The following HEATR5B variants were observed in gnomAD, a reference collection of about 807,000 sequenced individuals.
The protein encoded by HEATR5B is HEAT repeat containing 5B, also known as HEAT repeat-containing protein 5B.
In HEATR5B, 156 loss-of-function variants were observed where a neutral mutation model predicts 224.1. That is an observed-to-expected ratio of 0.70 (90% CI 0.61 to 0.80). HEATR5B has a LOEUF of 0.80. Among genes scored for constraint, HEATR5B ranks in the 30% least tolerant of loss-of-function variants. HEATR5B has a pLI of 0.00. For synonymous variants in HEATR5B, 1,027 were observed against 893.0 expected (o/e 1.15, Z -2.68); for missense variants, 2,323 against 2,535.5 (o/e 0.92, Z 1.80).
chr2:37,034,562 G>A (rs1210440759), intron 21 of HEATR5B, among the ~76,000 whole-genome samples: 1 of 130,688 alleles, frequency 7.7e-6, no homozygotes, highest in East Asian at 2.4e-4. Flanking sequence ...GCAGTGAGCC[G>A]AGATCCCGCC....
chr2:37,079,689 T>C (rs1164861999), intron 2 of HEATR5B, among the ~76,000 whole-genome samples: 1 of 152,192 alleles, frequency 6.6e-6, no homozygotes, highest in African/African-American at 2.4e-5. Context: ...AGGTTTCCTA[T>C]GTAAAAGTGA....
In HEATR5B at chr2:37,052,748, G is replaced by C. The variant is rs550305206; in HGVS notation, c.2505+754C>G. Among the ~76,000 whole-genome samples, 4 of 152,326 alleles carry C rather than the reference G, an allele frequency of 2.6e-5. No homozygotes were observed. The South Asian group carries it at 8.3e-4, about 32-fold the overall frequency. On this transcript the variant is annotated intron_variant, in intron 17 of 35. Coordinates refer to ENST00000233099, the MANE Select transcript of HEATR5B (RefSeq NM_019024.3). ...AGCAGCCCATCTGATAACTGAGACA[G>C]ATGGTGACCAAGTGACTAACAGACA...
chr2:37,058,537 T>A lies in HEATR5B; in HGVS notation c.1973A>T (p.His658Leu). The A allele has an allele frequency of 1.9e-6, 3 of 1,611,268 alleles. No homozygotes were observed. Among genetic ancestry groups the A allele is most frequent in the Non-Finnish European group, 2.5e-6 (3 of 1,177,444 alleles). ...MSHIPSVMKAHGAHLKASAAM... is the reference protein window; with the variant it reads ...MSHIPSVMKALGAHLKASAAM... Reference sequence around the variant, plus strand: ...AGCACTAGCTTTCAGATGAGCTCCATGGGCTTTCATTACAGATGGAATGCT... The same window carrying A: ...AGCACTAGCTTTCAGATGAGCTCCAAGGGCTTTCATTACAGATGGAATGCT... The change falls in exon 14 of 36, where the codon CAT becomes CTT. Residue 658 changes from histidine (H) to leucine (L), a missense_variant. His to Leu is a moderately conservative substitution (Grantham distance 99). Transcript: ENST00000233099.
chr2:37,036,332 G>C (rs1165053337), intron 21 of HEATR5B, among the ~76,000 whole-genome samples: 1 of 152,092 alleles, frequency 6.6e-6, no homozygotes, highest in Non-Finnish European at 1.5e-5. Flanking sequence ...CCACCTCTCT[G>C]TCTTCTCTCT....
At chr2:37,058,761 A>C in intron 13 of HEATR5B, 127 bp downstream of exon 13, 1 of 700,530 alleles carries the variant, frequency 1.4e-6, no homozygotes, top group Non-Finnish European at 2.4e-6. Flanking sequence ...GTAATTTTTA[A>C]AGTTATATTA....
intron 22 of HEATR5B, among the ~76,000 whole-genome samples, chr2:37,029,291 T>A (rs1381937895): frequency 6.6e-6 from 1 of 152,234 alleles, no homozygotes; most frequent in African/African-American, 2.4e-5. Context: ...TTCAGTCTTA[T>A]AGTTCAGATT....
Position 37,075,501 on chromosome 2 carries a change from C to T in HEATR5B, c.581G>A (p.Arg194Gln). The change falls in exon 5 of 36, where the codon CGA becomes CAA. Residue 194 changes from arginine (R) to glutamine (Q), a missense_variant. Arg to Gln is a conservative substitution (Grantham distance 43). Coordinates refer to ENST00000233099, the MANE Select transcript of HEATR5B (RefSeq NM_019024.3). ...SLLTDRSMAV[R>Q]CAVAKCLLEL... ...AGTACTAACCTTGGCCACTGCACAT[C>T]GAACAGCCATTGACCTATCAGTCAA... The T allele has an allele frequency of 1.9e-6, 3 of 1,612,826 alleles. No individual in the cohort carries two copies. Among genetic ancestry groups the T allele is most frequent in the Non-Finnish European group, 2.5e-6 (3 of 1,179,354 alleles).
At chr2:37,027,361 C>T (rs1332245212) in intron 24 of HEATR5B, among the ~76,000 whole-genome samples, 2 of 151,786 alleles carry the variant, frequency 1.3e-5, no homozygotes, top group Non-Finnish European at 2.9e-5. Flanking sequence ...TTGTAAATTC[C>T]CTATAATAAC....
intron 18 of HEATR5B, among the ~76,000 whole-genome samples, chr2:37,044,571 TGAGTAC>T (rs1431614844): frequency 2.6e-5 from 4 of 152,228 alleles, no homozygotes; most frequent in Non-Finnish European, 5.9e-5. Flanking sequence ...TATAAAAGTT[TGAGTAC>T]AAGTGTTTGT....
chr2:37,022,456 C>T (rs912478166), intron 24 of HEATR5B, among the ~76,000 whole-genome samples: 2 of 152,194 alleles, frequency 1.3e-5, no homozygotes, highest in Non-Finnish European at 2.9e-5. Context: ...GGATAACAGG[C>T]GTGAGCCACC....
chr2:37,072,154 A>T lies in HEATR5B; in HGVS notation c.725T>A (p.Leu242Ter). The T allele has an allele frequency of 6.2e-7, 1 of 1,614,078 alleles. No individual in the cohort carries two copies. The highest frequency in any genetic ancestry group is 8.5e-7 in the Non-Finnish European group (1 of 1,179,944). Residue 242 changes from leucine to a stop codon, truncating the protein, a stop_gained, in exon 6 of 36, where the codon TTA (leucine) becomes TAA (stop). Coordinates refer to ENST00000233099, the MANE Select transcript of HEATR5B (RefSeq NM_019024.3). LOFTEE classifies it high-confidence loss of function. Reference sequence around the variant, plus strand: ...TAATGCTGTGGCCATGACTGTTCCTAAAAGTTTAGACACTGCCACTCGTAC... The same window carrying T: ...TAATGCTGTGGCCATGACTGTTCCTTAAAGTTTAGACACTGCCACTCGTAC... ...YGVRVAVSKL[L>*]GTVMATALMP...
At chr2:36,998,702 T>A (rs550380142) in intron 33 of HEATR5B, among the ~76,000 whole-genome samples, 2 of 152,200 alleles carry the variant, frequency 1.3e-5, no homozygotes, top group Non-Finnish European at 2.9e-5. Flanking sequence ...GGGAGTTAAA[T>A]GAGAGTTTTA....
rs549300032 is a variant in HEATR5B at position 37,075,542 on chromosome 2, C to T, written c.540G>A (p.Lys180=). 8 of 1,614,096 alleles carry T rather than the reference C, an allele frequency of 5.0e-6. 1 individual carries two copies. In the South Asian group the frequency reaches 8.8e-5, roughly 18 times the overall value. The change falls in exon 5 of 36, where the codon AAG becomes AAA. Residue 180 remains lysine, a synonymous_variant. Coordinates refer to ENST00000233099, the MANE Select transcript of HEATR5B (RefSeq NM_019024.3). ...TATCAGTCAAGAGAGACCTGGCATT[C>T]TTGTAAATATCACGATGGGAGGAAG... ...AAASSHRDIY[K]NARSLLTDRS... is the part of the protein sequence containing the mutation.
intron 20 of HEATR5B, among the ~76,000 whole-genome samples, chr2:37,038,415 C>T (rs1293846058): frequency 1.3e-5 from 2 of 152,152 alleles, no homozygotes; most frequent in Non-Finnish European, 2.9e-5. Flanking sequence ...GCTGGGATTA[C>T]AGGCATGAGC....
chr2:37,059,655 G>A (rs548867331), intron 12 of HEATR5B, among the ~76,000 whole-genome samples: 20 of 151,444 alleles, frequency 1.3e-4, no homozygotes, highest in African/African-American at 4.4e-4. Flanking sequence ...GTAGAGACAA[G>A]GTTTCACCAT....
chr2:37,062,014 C>A lies in HEATR5B; in HGVS notation c.1621G>T (p.Ala541Ser), dbSNP rs780699376. The change falls in exon 11 of 36, where the codon GCT becomes TCT. Residue 541 changes from alanine to serine, a missense_variant. Around this residue, in one of 12 missense-constraint regions of HEATR5B, gnomAD observed 502 missense variants for 517.8 expected, o/e 0.97. Transcript: ENST00000233099. Reference sequence around the variant, plus strand: ...AAAGATAGCCTGCTATTTTGGGCAGCAGTTCGTAAAAGATCTTCAGCAATA... The same window carrying A: ...AAAGATAGCCTGCTATTTTGGGCAGAAGTTCGTAAAAGATCTTCAGCAATA... ...VSIAEDLLRT[A>S]AQNSRLSLQR... 2.5e-6 allele frequency: 4 copies of A among 1,613,798 alleles called. No homozygotes were observed. The highest frequency in any genetic ancestry group is 3.4e-6 in the Non-Finnish European group (4 of 1,179,754).
At chr2:37,079,037 T>G (rs1343803890) in intron 3 of HEATR5B, 83 bp downstream of exon 3, 2 of 790,542 alleles carry the variant, frequency 2.5e-6, no homozygotes, top group Non-Finnish European at 4.0e-6. Flanking sequence ...CACCTGGGGG[T>G]TTTTATGGTC....
rs754162950 is a variant in HEATR5B at position 37,020,799 on chromosome 2, G to A, written c.3891C>T (p.Arg1297=). ...LLVLHLSDLI[R]MAFMAATDHS... ...GATCAGTTGCAGCCATGAATGCCAT[G>A]CGAATGAGGTCAGAGAGATGAAGTA... Residue 1297 remains arginine, a synonymous_variant, in exon 25 of 36, where the codon CGC becomes CGT. Transcript: ENST00000233099. 4 of 1,595,458 alleles carry A rather than the reference G, an allele frequency of 2.5e-6. No individual in the cohort carries two copies. In the African/African-American group the frequency reaches 4.1e-5, roughly 16 times the overall value.
rs181082703 is a variant in HEATR5B at position 37,051,225 on chromosome 2, G to A, written c.2506-1382C>T. 9.9e-5 allele frequency among the ~76,000 whole-genome samples: 15 copies of A among 151,308 alleles called. No homozygotes were observed. The East Asian group carries it at 2.5e-3, about 26-fold the overall frequency. On this transcript the variant is annotated intron_variant, in intron 17 of 35. Transcript: ENST00000233099. ...ACAAAAATTAGCTGGGCATGATGGC[G>A]CGTGCCTATAATCTCAGCTACTCGG...
Sources: gnomAD v4.1 joint callset for allele counts (sites outside exome capture counted in the v4.1 genomes callset) on GRCh38, gnomAD v4.1.1 for gene constraint, gnomAD v4.1.1 regional missense constraint, MANE v1.5 for transcripts, NCBI Gene and HGNC (gene_info 2026-07-23, HGNC 2026-07-21) for gene names.